The following GRM7 variants were observed in gnomAD, a reference collection of about 807,000 sequenced individuals.
The protein encoded by GRM7 is glutamate metabotropic receptor 7, also known as metabotropic glutamate receptor 7.
A neutral mutation model predicts 84.5 loss-of-function variants in GRM7; 35 were observed. That is an observed-to-expected ratio of 0.41 (90% CI 0.32 to 0.55). GRM7 has a LOEUF of 0.55. Ranked by LOEUF, GRM7 falls within the 20% of genes least tolerant of loss-of-function variation. The pLI, the probability that GRM7 is intolerant of heterozygous loss-of-function variation, is 0.19. For missense variants in GRM7, 1,003 were observed against 1,194.6 expected, an observed-to-expected ratio of 0.84 and a Z score of 2.36; for synonymous variants, 487 against 455.1, an observed-to-expected ratio of 1.07 and a Z score of -0.89.
intron 1 of GRM7, among the ~76,000 whole-genome samples, chr3:7,042,820 C>G (rs929368799): frequency 1.3e-5 from 2 of 152,028 alleles, no homozygotes; most frequent in African/African-American, 2.4e-5. Context: ...AAATATTGGT[C>G]ATTTTTTATG....
intron 8 of GRM7, among the ~76,000 whole-genome samples, chr3:7,638,357 A>G (rs1698195720): frequency 6.6e-6 from 1 of 151,820 alleles, no homozygotes; most frequent in Non-Finnish European, 1.5e-5. Context: ...ACATCAATTA[A>G]TTTACTTGAT....
chr3:7,013,478 T>A (rs1255140971), intron 1 of GRM7, among the ~76,000 whole-genome samples: 2 of 152,172 alleles, frequency 1.3e-5, no homozygotes, highest in East Asian at 3.9e-4. Flanking sequence ...GCTCTCTTCA[T>A]GAAAAAACAA....
chr3:7,302,521 G>A (rs972535804), intron 3 of GRM7, among the ~76,000 whole-genome samples: 1 of 151,876 alleles, frequency 6.6e-6, no homozygotes, highest in African/African-American at 2.4e-5. Flanking sequence ...AACTTCGTCA[G>A]CACCTCCCCA....
chr3:7,096,835 C>T (rs558404604), intron 1 of GRM7, among the ~76,000 whole-genome samples: 2 of 152,044 alleles, frequency 1.3e-5, no homozygotes, highest in Non-Finnish European at 2.9e-5. Flanking sequence ...TTTTGAAGCT[C>T]TATGGTAAGA....
At chr3:7,468,298 T>C (rs1455510512) in intron 7 of GRM7, among the ~76,000 whole-genome samples, 2 of 152,206 alleles carry the variant, frequency 1.3e-5, no homozygotes, top group Non-Finnish European at 2.9e-5. Context: ...ACCACCTTTC[T>C]GCCCATCATA....
chr3:7,634,671 G>A (rs1289597874), intron 8 of GRM7, among the ~76,000 whole-genome samples: 2 of 151,740 alleles, frequency 1.3e-5, no homozygotes, highest in African/African-American at 4.8e-5. Context: ...GTGTGCGCCT[G>A]TAGTCCAAGC....
intron 4 of GRM7, among the ~76,000 whole-genome samples, chr3:7,381,013 A>G (rs550106057): frequency 5.3e-4 from 80 of 152,150 alleles, no homozygotes; most frequent in Non-Finnish European, 9.9e-4. Context: ...TAAGAGAGGC[A>G]TTATGGGGTG....
chr3:7,105,936 G>T (rs1207145177), intron 1 of GRM7, among the ~76,000 whole-genome samples: 1 of 151,556 alleles, frequency 6.6e-6, no homozygotes, highest in Non-Finnish European at 1.5e-5. Flanking sequence ...TCCCCATTTG[G>T]AATTTATATT....
In GRM7 at chr3:7,578,491, C is replaced by G. The variant is rs1442355998; in HGVS notation, c.1585C>G (p.Pro529Ala). The G allele has an allele frequency of 3.7e-6, 6 of 1,613,684 alleles. No individual in the cohort carries two copies. The highest frequency in any genetic ancestry group is 5.1e-6 in the Non-Finnish European group (6 of 1,179,826). ...PASVCTLPCKPGQRKKTQKGT... is the reference protein window; with the variant it reads ...PASVCTLPCKAGQRKKTQKGT... ...CTCAGTGTGCACACTACCATGTAAG[C>G]CAGGACAGAGAAAGAAGACACAGAA... Residue 529 changes from proline (P) to alanine (A), a missense_variant, in exon 8 of 10, where the codon CCA (proline) becomes GCA (alanine). By Grantham distance (27) the Pro-to-Ala change is conservative (BLOSUM62 -1). This residue lies in a region of GRM7 where 910 missense variants were observed against 1,126.0 expected (regional missense o/e 0.81). Coordinates refer to ENST00000357716, the MANE Select transcript of GRM7 (RefSeq NM_000844.4).
chr3:7,310,286 G>A (rs1449218557), intron 4 of GRM7, among the ~76,000 whole-genome samples: 1 of 152,018 alleles, frequency 6.6e-6, no homozygotes, highest in Non-Finnish European at 1.5e-5. Flanking sequence ...AGAACAGCTT[G>A]GTTCATGAGT....
chr3:7,538,944 A>G (rs1224795507), intron 7 of GRM7, among the ~76,000 whole-genome samples: 1 of 152,042 alleles, frequency 6.6e-6, no homozygotes, highest in Non-Finnish European at 1.5e-5. Flanking sequence ...GAAAATCCAA[A>G]TTCTTACTGC....
At chr3:7,170,181 A>G (rs1056660758) in intron 2 of GRM7, among the ~76,000 whole-genome samples, 5 of 152,130 alleles carry the variant, frequency 3.3e-5, no homozygotes, top group African/African-American at 1.2e-4. Flanking sequence ...GAACTGGGGG[A>G]GTAAATCGAT....
At chr3:7,163,781 C>T (rs957791499) in intron 2 of GRM7, among the ~76,000 whole-genome samples, 4 of 152,068 alleles carry the variant, frequency 2.6e-5, no homozygotes, top group Admixed American at 1.3e-4. Context: ...TTGATGTAAG[C>T]GTGTCTTGTT....
Position 7,582,697 on chromosome 3 carries a change from C to T in GRM7, c.2451+3340C>T, listed in dbSNP as rs149026875. 1.8e-3 allele frequency among the ~76,000 whole-genome samples: 275 copies of T among 152,170 alleles called. 2 individuals are homozygous for T. Among genetic ancestry groups the T allele is most frequent in the Non-Finnish European group, 1.2e-3 (81 of 68,000 alleles). ...CAAAACTTAAGTAATTTGATTTCCA[C>T]GGGAGCCTTCGGTCACTAAATGACC... On this transcript the variant is annotated intron_variant, in intron 8 of 9. Transcript: ENST00000357716.
chr3:6,947,161 T>C (rs1255755475), intron 1 of GRM7, among the ~76,000 whole-genome samples: 1 of 152,154 alleles, frequency 6.6e-6, no homozygotes, highest in Admixed American at 6.5e-5. Context: ...CCAGTTTTTG[T>C]CCATTCAGTA....
intron 7 of GRM7, among the ~76,000 whole-genome samples, chr3:7,480,290 C>G (rs1419297221): frequency 6.6e-6 from 1 of 152,140 alleles, no homozygotes; most frequent in Non-Finnish European, 1.5e-5. Context: ...CAGGTTCTAG[C>G]TGGTAGAAAT....
At chr3:7,091,361 A>G (rs1324766149) in intron 1 of GRM7, among the ~76,000 whole-genome samples, 2 of 152,218 alleles carry the variant, frequency 1.3e-5, no homozygotes, top group Non-Finnish European at 2.9e-5. Context: ...TAGCAGAACT[A>G]TAAGACATCA....
rs1192310890 is a variant in GRM7 at position 7,581,477 on chromosome 3, A to G, written c.2451+2120A>G. Among the ~76,000 whole-genome samples the G allele has an allele frequency of 2.6e-5, 4 of 152,200 alleles. No homozygotes were observed. In the East Asian group the frequency reaches 7.7e-4, roughly 29 times the overall value. ...AATTATTACATGAAAATGCACATCCACTTATAGGCATATGGCTAGAGAAGC... is the reference window on the plus strand; with the variant it reads ...AATTATTACATGAAAATGCACATCCGCTTATAGGCATATGGCTAGAGAAGC... On this transcript the variant is annotated intron_variant, in intron 8 of 9. Coordinates refer to ENST00000357716, the MANE Select transcript of GRM7 (RefSeq NM_000844.4).
chr3:7,573,445 G>A lies in GRM7; in HGVS notation c.1516-4977G>A, dbSNP rs562798244. On this transcript the variant is annotated intron_variant, in intron 7 of 9. Coordinates refer to ENST00000357716, the MANE Select transcript of GRM7 (RefSeq NM_000844.4). ...GTGATAAAATTTTCTTTTAGATAGA[G>A]TGTGTCTGCGTGGGGAAAGGAACAG... Among the ~76,000 whole-genome samples, 152 of 152,256 alleles carry A rather than the reference G, an allele frequency of 1.0e-3. 1 individual carries two copies. The highest frequency in any genetic ancestry group is 9.5e-3 in the Admixed American group (145 of 15,292).
Sources: allele counts gnomAD v4.1 joint callset (sites outside exome capture counted in the v4.1 genomes callset), GRCh38; gene constraint gnomAD v4.1.1; regional missense constraint gnomAD v4.1.1; transcripts MANE v1.5; gene names NCBI Gene and HGNC (gene_info 2026-07-23, HGNC 2026-07-21).